Variants in ARL15 observed in about 807,000 individuals in gnomAD.
ARL15 encodes the protein ARF like GTPase 15.
A neutral mutation model predicts 25.2 loss-of-function variants in ARL15; 19 were observed. That is an observed-to-expected ratio of 0.75 (90% CI 0.53 to 1.10). ARL15 has a LOEUF of 1.10. ARL15 is among the 50% of genes least tolerant of loss of function. ARL15 has a pLI of 0.00. For missense variants in ARL15, 220 were observed against 246.0 expected (o/e 0.89, Z 0.71); for synonymous variants, 94 against 86.8 (o/e 1.08, Z -0.46).
At chr5:53,959,303 T>G (rs544770001) in intron 4 of ARL15, among the ~76,000 whole-genome samples, 1 of 152,306 alleles carries the variant, frequency 6.6e-6, no homozygotes, top group East Asian at 1.9e-4. Flanking sequence ...GCCAAATGAC[T>G]GCCAAGATAA....
At chr5:53,990,151 C>A (rs1748436483) in intron 4 of ARL15, among the ~76,000 whole-genome samples, 1 of 151,880 alleles carries the variant, frequency 6.6e-6, no homozygotes. Flanking sequence ...TCGCTCAAGC[C>A]CAGGTCGTCT....
At chr5:54,241,191 G>GAA (rs1262386734) in intron 1 of ARL15, among the ~76,000 whole-genome samples, 1 of 151,956 alleles carries the variant, frequency 6.6e-6, no homozygotes, top group Non-Finnish European at 1.5e-5. Context: ...AAGAAAGAAA[G>GAA]AAAAAATAAG....
At chr5:54,283,529 C>T (rs934996763) in intron 1 of ARL15, among the ~76,000 whole-genome samples, 6 of 151,884 alleles carry the variant, frequency 4.0e-5, no homozygotes, top group African/African-American at 1.5e-4. Context: ...ACTATCATGA[C>T]TGTAACATTA....
chr5:54,031,570 T>C lies in ARL15; in HGVS notation c.462+81632A>G, dbSNP rs146095108. Reference sequence around the variant, plus strand: ...ACCATGCGACCTGTTGCTTCAGTGATATAATTCACTTGAGAAATAAAGCTG... The same window carrying C: ...ACCATGCGACCTGTTGCTTCAGTGACATAATTCACTTGAGAAATAAAGCTG... On this transcript the variant is annotated intron_variant, in intron 4 of 4. Transcript: ENST00000504924. Among the ~76,000 whole-genome samples the C allele has an allele frequency of 3.2e-4, 49 of 152,320 alleles. No homozygotes were observed. The East Asian group carries it at 9.1e-3, about 28-fold the overall frequency.
intron 1 of ARL15, among the ~76,000 whole-genome samples, chr5:54,182,865 G>A (rs369509949): frequency 1.7e-4 from 25 of 151,332 alleles, no homozygotes; most frequent in Middle Eastern, 6.8e-3. Flanking sequence ...GGTCCTTCAC[G>A]TCCCTTGTAA....
intron 4 of ARL15, among the ~76,000 whole-genome samples, chr5:53,955,753 C>A (rs1049856023): frequency 2.6e-5 from 4 of 152,188 alleles, no homozygotes; most frequent in African/African-American, 9.7e-5. Flanking sequence ...TTAAAGGCAA[C>A]AGTCTGGATT....
intron 4 of ARL15, among the ~76,000 whole-genome samples, chr5:54,090,246 G>A (rs371951663): frequency 1.3e-5 from 2 of 151,970 alleles, no homozygotes; most frequent in African/African-American, 4.8e-5. Flanking sequence ...CAATAAAGAC[G>A]AATAAACCAT....
intron 4 of ARL15, among the ~76,000 whole-genome samples, chr5:53,977,073 A>T (rs1201864958): frequency 6.6e-6 from 1 of 152,182 alleles, no homozygotes; most frequent in Non-Finnish European, 1.5e-5. Flanking sequence ...AAAATATCCC[A>T]CTAGGCAAGG....
chr5:54,254,517 A>C (rs1347025212), intron 1 of ARL15, among the ~76,000 whole-genome samples: 1 of 152,224 alleles, frequency 6.6e-6, no homozygotes, highest in Non-Finnish European at 1.5e-5. Context: ...TTAATACATA[A>C]ATCATAAAGA....
At chr5:54,222,889 G>A (rs532370793) in intron 1 of ARL15, among the ~76,000 whole-genome samples, 8 of 151,964 alleles carry the variant, frequency 5.3e-5, no homozygotes, top group African/African-American at 1.7e-4. Context: ...GCACAATCTC[G>A]GCTGACTGCA....
At chr5:53,951,983 A>G (rs1746987110) in intron 4 of ARL15, among the ~76,000 whole-genome samples, 1 of 151,516 alleles carries the variant, frequency 6.6e-6, no homozygotes, top group Admixed American at 6.6e-5. Flanking sequence ...GAAAGAGGAG[A>G]GTAGCTGGGC....
chr5:54,218,148 A>G (rs1222460035), intron 1 of ARL15, among the ~76,000 whole-genome samples: 1 of 152,196 alleles, frequency 6.6e-6, no homozygotes, highest in East Asian at 1.9e-4. Flanking sequence ...AAGACTTCAG[A>G]GAGACACTGT....
chr5:54,155,056 G>A (rs1429176149), intron 2 of ARL15, among the ~76,000 whole-genome samples: 1 of 152,160 alleles, frequency 6.6e-6, no homozygotes, highest in Non-Finnish European at 1.5e-5. Context: ...GGGAGGCAGA[G>A]GTTGCAGTAA....
At chr5:54,137,139 A>T (rs1753629899) in intron 3 of ARL15, among the ~76,000 whole-genome samples, 1 of 152,062 alleles carries the variant, frequency 6.6e-6, no homozygotes, top group Non-Finnish European at 1.5e-5. Flanking sequence ...GCACATTAAA[A>T]ACAAGGATGG....
At chr5:53,912,037 T>C (rs1004354268) in intron 4 of ARL15, 4 of 152,080 alleles carry the variant, frequency 2.6e-5, no homozygotes, top group African/African-American at 9.7e-5. Flanking sequence ...TGGAATACTT[T>C]ATGAATTTGC....
chr5:53,949,439 T>C (rs865799397), intron 4 of ARL15, among the ~76,000 whole-genome samples: 13 of 152,248 alleles, frequency 8.5e-5, no homozygotes, highest in South Asian at 2.1e-4. Context: ...GGTCTTTTTA[T>C]GGATTTATAA....
chr5:54,030,595 C>A (rs1387523825), intron 4 of ARL15, among the ~76,000 whole-genome samples: 1 of 152,136 alleles, frequency 6.6e-6, no homozygotes, highest in Admixed American at 6.5e-5. Context: ...GGAAGCATCA[C>A]CAGCTAATTC....
chr5:53,910,554 A>G (rs1452704142), intron 4 of ARL15, among the ~76,000 whole-genome samples: 1 of 149,908 alleles, frequency 6.7e-6, no homozygotes, highest in Admixed American at 6.7e-5. Flanking sequence ...AGCACACCAA[A>G]ATGGCACATG....
At chr5:54,073,959 T>TG (rs1751501555) in intron 4 of ARL15, among the ~76,000 whole-genome samples, 1 of 152,198 alleles carries the variant, frequency 6.6e-6, no homozygotes. Context: ...GGAGACTGGG[T>TG]GGGGTCCCGT....
Sources: gnomAD v4.1 joint callset for allele counts (sites outside exome capture counted in the v4.1 genomes callset) on GRCh38, gnomAD v4.1.1 for gene constraint, MANE v1.5 for transcripts, NCBI Gene and HGNC (gene_info 2026-07-23, HGNC 2026-07-21) for gene names.